Variants in NAALADL2 observed in about 807,000 individuals in gnomAD.
The protein encoded by NAALADL2 is N-acetylated alpha-linked acidic dipeptidase like 2.
A neutral mutation model predicts 87.2 loss-of-function variants in NAALADL2; 76 were observed. The observed-to-expected ratio is 0.87, with a 90% confidence interval of 0.72 to 1.05. The LOEUF is 1.05. Among genes scored for constraint, NAALADL2 ranks in the 50% least tolerant of loss-of-function variants. The pLI is 0.00. For missense variants in NAALADL2, 1,089 were observed against 945.8 expected (o/e 1.15, Z -1.99); for synonymous variants, 354 against 331.0 (o/e 1.07, Z -0.75).
At chr3:174,933,238 A>T (rs1737188278) in intron 1 of NAALADL2, among the ~76,000 whole-genome samples, 1 of 152,192 alleles carries the variant, frequency 6.6e-6, no homozygotes, top group African/African-American at 2.4e-5. Flanking sequence ...CTCCTTGAAG[A>T]GGGAATTGCT....
intron 4 of NAALADL2, among the ~76,000 whole-genome samples, chr3:175,323,885 G>A (rs563339978): frequency 2.0e-3 from 306 of 151,476 alleles, no homozygotes; most frequent in African/African-American, 7.0e-3. Flanking sequence ...GGGTGTGGTG[G>A]CAGGCGCCTG....
intron 1 of NAALADL2, among the ~76,000 whole-genome samples, chr3:174,880,652 T>A (rs992994498): frequency 1.4e-5 from 2 of 144,718 alleles, no homozygotes; most frequent in African/African-American, 5.1e-5. Flanking sequence ...CCGCCTAGAT[T>A]ATCCTTCTCA....
intron 5 of NAALADL2, among the ~76,000 whole-genome samples, chr3:175,432,815 G>A (rs1257441245): frequency 3.9e-5 from 6 of 152,006 alleles, no homozygotes; most frequent in Non-Finnish European, 7.4e-5. Flanking sequence ...CAATGGAGCC[G>A]GACTTTGACA....
chr3:175,131,547 TACACAGAC>T (rs1456390521), intron 2 of NAALADL2, among the ~76,000 whole-genome samples: 2 of 152,182 alleles, frequency 1.3e-5, no homozygotes, highest in Non-Finnish European at 2.9e-5. Flanking sequence ...TACCTCTTTC[TACACAGAC>T]ATGGCAACCA....
intron 12 of NAALADL2, among the ~76,000 whole-genome samples, chr3:175,740,575 T>G (rs560730207): frequency 6.6e-6 from 1 of 152,334 alleles, no homozygotes; most frequent in South Asian, 2.1e-4. Flanking sequence ...CACAATATCT[T>G]GAGAACAAAG....
At chr3:174,844,933 A>C (rs180805563) in intron 3 of NAALADL2, among the ~76,000 whole-genome samples, 1 of 133,916 alleles carries the variant, frequency 7.5e-6, no homozygotes, top group Non-Finnish European at 1.5e-5. Context: ...GCTGATTGTC[A>C]GGCAGAAAGC....
chr3:174,580,540 CCT>C (rs1351167618), intron 2 of NAALADL2, among the ~76,000 whole-genome samples: 2 of 152,048 alleles, frequency 1.3e-5, no homozygotes, highest in East Asian at 3.9e-4. Context: ...CCTTTTAATC[CCT>C]TTCTCCCATC....
At chr3:175,559,431 T>G (rs1188479926) in intron 9 of NAALADL2, among the ~76,000 whole-genome samples, 3 of 151,824 alleles carry the variant, frequency 2.0e-5, no homozygotes, top group African/African-American at 7.2e-5. Flanking sequence ...TGCCCTTTAT[T>G]TTTTTCTCTT....
At chr3:175,409,691 A>G (rs1713108431) in intron 5 of NAALADL2, among the ~76,000 whole-genome samples, 1 of 151,780 alleles carries the variant, frequency 6.6e-6, no homozygotes, top group East Asian at 1.9e-4. Flanking sequence ...AGGTAGTTCA[A>G]CATTTTTCAG....
chr3:175,367,335 C>A (rs564901573), intron 5 of NAALADL2, among the ~76,000 whole-genome samples: 1 of 148,730 alleles, frequency 6.7e-6, no homozygotes, highest in Non-Finnish European at 1.5e-5. Flanking sequence ...ATTGACTTGG[C>A]GATGCGGGCT....
chr3:175,063,260 G>T lies in NAALADL2; in HGVS notation c.44-33530G>T, dbSNP rs945012674. Among the ~76,000 whole-genome samples the T allele has an allele frequency of 3.8e-4, 58 of 151,950 alleles. 1 individual carries two copies. The highest frequency in any genetic ancestry group is 3.8e-3 in the Admixed American group (58 of 15,238). ...TTAGGATTATGAAAACATTTTTATCGCTTGTTAGTTAAATAGTATTTAAAA... is the reference window on the plus strand; with the variant it reads ...TTAGGATTATGAAAACATTTTTATCTCTTGTTAGTTAAATAGTATTTAAAA... On this transcript the variant is annotated intron_variant, in intron 1 of 13. Transcript: ENST00000454872.
At chr3:175,459,339 A>G (rs78621585) in intron 6 of NAALADL2, among the ~76,000 whole-genome samples, 1,819 of 152,206 alleles carry the variant, frequency 0.012, 42 homozygotes, top group African/African-American at 0.04. Flanking sequence ...AGATAGATAC[A>G]GCCATAGATA....
chr3:174,759,174 T>C (rs1578813044), intron 3 of NAALADL2, among the ~76,000 whole-genome samples: 1 of 152,232 alleles, frequency 6.6e-6, no homozygotes, highest in East Asian at 1.9e-4. Context: ...CTGGAATTAG[T>C]CTCCTACTTG....
chr3:175,484,918 A>G lies in NAALADL2; in HGVS notation c.1653+13160A>G, dbSNP rs1253424624. ...ATCAGTGTGCTCTTTGCCTGTGTAC[A>G]CTAGTTTTTAGTGGAAGTATAGCTG... On this transcript the variant is annotated intron_variant, in intron 9 of 13. Transcript: ENST00000454872. Among the ~76,000 whole-genome samples the G allele has an allele frequency of 2.0e-5, 3 of 152,118 alleles. No homozygotes were observed. In the East Asian group the frequency reaches 5.8e-4, roughly 29 times the overall value.
intron 5 of NAALADL2, among the ~76,000 whole-genome samples, chr3:175,373,093 A>T (rs982217156): frequency 4.6e-5 from 7 of 152,202 alleles, no homozygotes; most frequent in Non-Finnish European, 2.9e-5. Context: ...TCAAAGCCAT[A>T]TGAAATTGTT....
chr3:175,644,470 G>A (rs994157228), intron 11 of NAALADL2, among the ~76,000 whole-genome samples: 1 of 151,970 alleles, frequency 6.6e-6, no homozygotes, highest in African/African-American at 2.4e-5. Flanking sequence ...GGCACAATTT[G>A]CATTTTTCAA....
At chr3:175,250,129 A>G (rs946911861) in intron 3 of NAALADL2, among the ~76,000 whole-genome samples, 2 of 151,320 alleles carry the variant, frequency 1.3e-5, no homozygotes, top group African/African-American at 4.9e-5. Context: ...AGATCGTGCC[A>G]CTGCACTCCA....
intron 2 of NAALADL2, among the ~76,000 whole-genome samples, chr3:174,556,413 G>T (rs1296905650): frequency 1.3e-5 from 2 of 151,628 alleles, no homozygotes; most frequent in Admixed American, 6.6e-5. Context: ...TTTCCCATTT[G>T]AATATTTAAT....
chr3:175,054,661 G>A (rs2109038060), intron 1 of NAALADL2, among the ~76,000 whole-genome samples: 1 of 152,270 alleles, frequency 6.6e-6, no homozygotes, highest in Admixed American at 6.5e-5. Context: ...AAAGGTATAG[G>A]TTCTGGATGC....
Sources: allele counts gnomAD v4.1 joint callset (sites outside exome capture counted in the v4.1 genomes callset), GRCh38; gene constraint gnomAD v4.1.1; transcripts MANE v1.5; gene names NCBI Gene and HGNC (gene_info 2026-07-23, HGNC 2026-07-21).